The following PDE9A variants were observed in gnomAD, a reference collection of about 807,000 sequenced individuals.
PDE9A encodes high affinity cGMP-specific 3',5'-cyclic phosphodiesterase 9A.
PDE9A carries 60 observed loss-of-function variants against 87.4 expected under a neutral mutation model. That is an observed-to-expected ratio of 0.69 (90% CI 0.56 to 0.85). The LOEUF (loss-of-function observed/expected upper bound fraction) is 0.85, where lower values mean the gene tolerates loss of function less well. Among genes scored for constraint, PDE9A ranks in the 40% least tolerant of loss-of-function variants. The pLI is 0.00. For synonymous variants in PDE9A, 272 were observed against 279.4 expected, an observed-to-expected ratio of 0.97 and a Z score of 0.27; for missense variants, 665 against 779.0, an observed-to-expected ratio of 0.85 and a Z score of 1.74.
At chr21:42,753,889 A>C in intron 9 of PDE9A, 101 bp from the exon 10 acceptor site, 1 of 639,188 alleles carries the variant, frequency 1.6e-6, no homozygotes. Flanking sequence ...GAAAGAAAGA[A>C]AAAGAAAGAG....
chr21:42,730,378 C>T (rs1368178229), intron 4 of PDE9A, among the ~76,000 whole-genome samples: 1 of 152,118 alleles, frequency 6.6e-6, no homozygotes, highest in East Asian at 1.9e-4. Context: ...CTGGTCTACC[C>T]TCTCGTTTGA....
intron 8 of PDE9A, among the ~76,000 whole-genome samples, chr21:42,747,698 G>T (rs1382750060): frequency 2.0e-5 from 3 of 152,198 alleles, no homozygotes; most frequent in Admixed American, 2.0e-4. Context: ...TACCCCAGGG[G>T]CCACGGCCAC....
At position 42,745,259 on chromosome 21, in the gene PDE9A, A is replaced by C. The variant is rs7280168; in HGVS notation, c.653+1399A>C. Among the ~76,000 whole-genome samples the C allele has an allele frequency of 1.2e-3, 183 of 152,270 alleles. 2 individuals carry two copies. The highest frequency in any genetic ancestry group is 4.1e-3 in the African/African-American group (172 of 41,542). ...GGGCGCAGGGAGGAAGGCCGAGCGG[A>C]AGGAAGCAGGCCTTGTCTGAGCCAC... On this transcript the variant is annotated intron_variant, in intron 8 of 19. Coordinates refer to ENST00000291539, the MANE Select transcript of PDE9A (RefSeq NM_002606.3).
At chr21:42,719,499 G>T (rs1453206916) in intron 4 of PDE9A, among the ~76,000 whole-genome samples, 3 of 141,420 alleles carry the variant, frequency 2.1e-5, no homozygotes, top group African/African-American at 8.2e-5. Flanking sequence ...AAATTAGCCG[G>T]GTGTGGTGGT....
chr21:42,659,420 C>G lies in PDE9A; in HGVS notation c.69+5537C>G, dbSNP rs2057323298. On this transcript the variant is annotated intron_variant, in intron 1 of 19. Coordinates refer to ENST00000291539, the MANE Select transcript of PDE9A (RefSeq NM_002606.3). This position sits in a 1 kb window ranked among gnomAD's most constrained non-coding sequence, Gnocchi z 4.1. ...GGACAGCCTCGCCTCATCCGCCTTTCCCACTTGCCAGCCGGGAGGCCTGGG... is the reference window on the plus strand; with the variant it reads ...GGACAGCCTCGCCTCATCCGCCTTTGCCACTTGCCAGCCGGGAGGCCTGGG... Among the ~76,000 whole-genome samples, 1 of 152,230 alleles carries G rather than the reference C, an allele frequency of 6.6e-6. No homozygotes were observed. Among genetic ancestry groups the G allele is most frequent in the East Asian group, 1.9e-4 (1 of 5,202 alleles).
At chr21:42,711,315 C>T (rs1320315169) in intron 4 of PDE9A, among the ~76,000 whole-genome samples, 6 of 149,092 alleles carry the variant, frequency 4.0e-5, no homozygotes, top group African/African-American at 9.9e-5. Flanking sequence ...TGCAGCTGTG[C>T]GATAAGCTCA....
chr21:42,722,824 A>G lies in PDE9A; in HGVS notation c.263-8946A>G, dbSNP rs1464177976. ...ATTTTTAGAATCAGAATTATGGGTC[A>G]GGCTGTGCTAGCAATCAGTGAAATC... is the stretch of plus-strand genomic sequence containing the variant. On this transcript the variant is annotated intron_variant, in intron 4 of 19. Transcript: ENST00000291539. This position sits in a 1 kb window ranked among gnomAD's most constrained non-coding sequence, Gnocchi z 4.1. 6.6e-6 allele frequency among the ~76,000 whole-genome samples: 1 copy of G among 152,252 alleles called. No homozygotes were observed. Among genetic ancestry groups the G allele is most frequent in the Non-Finnish European group, 1.5e-5 (1 of 68,040 alleles).
chr21:42,726,624 A>ATATATTTTTTTTTTTT, intron 4 of PDE9A, among the ~76,000 whole-genome samples: 8 of 19,774 alleles, frequency 4.0e-4, no homozygotes, highest in Non-Finnish European at 6.0e-4. Context: ...ATATATATAT[A>ATATATTTTTTTTTTTT]TTTTTTTTTT....
At chr21:42,707,557 C>T (rs1278832475) in intron 4 of PDE9A, among the ~76,000 whole-genome samples, 1 of 152,170 alleles carries the variant, frequency 6.6e-6, no homozygotes, top group Non-Finnish European at 1.5e-5. Flanking sequence ...AGCTCTCTTC[C>T]CTTCCATGCC....
chr21:42,714,136 A>C (rs2049609873), intron 4 of PDE9A, among the ~76,000 whole-genome samples: 1 of 148,266 alleles, frequency 6.7e-6, no homozygotes, highest in Non-Finnish European at 1.5e-5. Flanking sequence ...CTCCTGCCTC[A>C]GCCTCCCAAG....
intron 9 of PDE9A, among the ~76,000 whole-genome samples, chr21:42,751,803 A>G (rs35529482): frequency 0.035 from 4,906 of 141,174 alleles, 108 homozygotes; most frequent in Middle Eastern, 0.068. Context: ...CTGGAGTGCA[A>G]TGGCACAATC....
At chr21:42,725,523 TC>T (rs2050945725) in intron 4 of PDE9A, among the ~76,000 whole-genome samples, 1 of 152,094 alleles carries the variant, frequency 6.6e-6, no homozygotes, top group Non-Finnish European at 1.5e-5. Flanking sequence ...ACAGGCATGA[TC>T]CACCATGCCC....
At position 42,760,691 on chromosome 21, in the gene PDE9A, C is replaced by T. The variant is rs2147100045; in HGVS notation, c.1003-134C>T. The T allele has an allele frequency of 2.9e-6, 2 of 685,448 alleles. No homozygotes were observed. The highest frequency in any genetic ancestry group is 3.3e-5 in the South Asian group (2 of 60,312). 42.5% of individuals were successfully genotyped at this position (685,448 alleles called of 1,614,324 possible). On this transcript the variant is annotated intron_variant, in intron 12 of 19. Transcript: ENST00000291539. This position sits in a 1 kb window ranked among gnomAD's most constrained non-coding sequence, Gnocchi z 5.2. ...CCACAGGCAGGCCGATCCTCTCCCA[C>T]CATGCCAGGAGATGCCAGATGGCTG...
chr21:42,682,349 T>C (rs563242492), intron 1 of PDE9A, among the ~76,000 whole-genome samples: 2 of 152,376 alleles, frequency 1.3e-5, no homozygotes, highest in African/African-American at 4.8e-5. Flanking sequence ...CCAAATTTCC[T>C]GACAGCCTCC....
chr21:42,711,307 C>T (rs1457997404), intron 4 of PDE9A, among the ~76,000 whole-genome samples: 1 of 149,374 alleles, frequency 6.7e-6, no homozygotes, highest in Admixed American at 6.7e-5. Context: ...GGCTGGGGTG[C>T]AGCTGTGCGA....
rs540931820 is a variant in PDE9A at position 42,763,265 on chromosome 21, G to A, written c.1242+1026G>A. Reference sequence around the variant, plus strand: ...CCTTCAAACAAGGTCCACCTCCCGTGAATGTGATCTTATTTGGAAAAGGGT... The same window carrying A: ...CCTTCAAACAAGGTCCACCTCCCGTAAATGTGATCTTATTTGGAAAAGGGT... On this transcript the variant is annotated intron_variant, in intron 14 of 19. Transcript: ENST00000291539. Among the ~76,000 whole-genome samples the A allele has an allele frequency of 5.9e-5, 9 of 152,360 alleles. No individual in the cohort carries two copies. In the South Asian group the frequency reaches 1.9e-3, roughly 32 times the overall value.
At chr21:42,747,081 C>T (rs370028741) in intron 8 of PDE9A, among the ~76,000 whole-genome samples, 4 of 152,336 alleles carry the variant, frequency 2.6e-5, no homozygotes, top group African/African-American at 7.2e-5. Flanking sequence ...TCCCCAGCCG[C>T]GTCATGTGCC....
At chr21:42,700,572 C>T (rs1013734351) in intron 4 of PDE9A, 4 of 152,158 alleles carry the variant, frequency 2.6e-5, no homozygotes, top group Admixed American at 6.5e-5. Flanking sequence ...GGTAGGACCA[C>T]GAGCTTCTCC....
chr21:42,713,024 A>G (rs2049490029), intron 4 of PDE9A, among the ~76,000 whole-genome samples: 1 of 152,168 alleles, frequency 6.6e-6, no homozygotes, highest in African/African-American at 2.4e-5. Context: ...CCTGGGGTAA[A>G]CTCACTTGTA....
Sources: gnomAD v4.1 joint callset for allele counts (sites outside exome capture counted in the v4.1 genomes callset) on GRCh38, gnomAD v4.1.1 for gene constraint, Gnocchi (gnomAD v3.1) non-coding constraint, MANE v1.5 for transcripts, NCBI Gene and HGNC (gene_info 2026-07-23, HGNC 2026-07-21) for gene names.